CFTR: variants seen among roughly 807,000 people sequenced by gnomAD.
The protein encoded by CFTR is cystic fibrosis transmembrane conductance regulator.
In CFTR, 181 loss-of-function variants were observed where a neutral mutation model predicts 171.6. The observed-to-expected ratio is 1.05, with a 90% CI of 0.93 to 1.19. The LOEUF is 1.19. Among genes scored for constraint, CFTR ranks in the 50% most tolerant of loss-of-function variants. The probability of loss-of-function intolerance (pLI) is 0.00; values close to 1 mark genes in which losing one functional copy is unlikely to be tolerated. For synonymous variants in CFTR, 583 were observed against 608.0 expected (o/e 0.96, Z 0.60); for missense variants, 1,968 against 1,734.7 (o/e 1.13, Z -2.39).
At chr7:117,518,564 A>G (rs1339476829) in intron 3 of CFTR, among the ~76,000 whole-genome samples, 3 of 139,390 alleles carry the variant, frequency 2.2e-5, no homozygotes, top group Non-Finnish European at 4.5e-5. Context: ...AAACATATAT[A>G]AAAACATATA....
intron 24 of CFTR, among the ~76,000 whole-genome samples, chr7:117,657,994 G>A (rs1793209953): frequency 6.6e-6 from 1 of 152,212 alleles, no homozygotes; most frequent in Non-Finnish European, 1.5e-5. Context: ...CTGGTCCAGA[G>A]AGCCTCCTTT....
rs113068756 is a variant in CFTR, at chr7:117,667,156, C to G, written c.*48C>G. The G allele has an allele frequency of 6.5e-7, 1 of 1,532,174 alleles. No homozygotes were observed. The highest frequency in any genetic ancestry group is 2.3e-5 in the East Asian group (1 of 43,762). 94.9% of individuals were successfully genotyped at this position (1,532,174 alleles called of 1,614,324 possible). On this transcript the variant is annotated 3_prime_UTR_variant, in exon 27 of 27. Coordinates refer to ENST00000003084, the MANE Select transcript of CFTR (RefSeq NM_000492.4). Reference sequence around the variant, plus strand: ...GGGACATTTGCTCATGGAATTGGAGCTCGTGGGACAGTCACCTCATGGAAT... The same window carrying G: ...GGGACATTTGCTCATGGAATTGGAGGTCGTGGGACAGTCACCTCATGGAAT...
chr7:117,594,169 G>T (rs1247349076), intron 14 of CFTR, among the ~76,000 whole-genome samples: 1 of 152,102 alleles, frequency 6.6e-6, no homozygotes, highest in Non-Finnish European at 1.5e-5. Context: ...AATGGTGGAG[G>T]TTGGGTTCAA....
intron 11 of CFTR, among the ~76,000 whole-genome samples, chr7:117,573,385 C>A (rs1295629501): frequency 6.6e-6 from 1 of 152,082 alleles, no homozygotes; most frequent in Non-Finnish European, 1.5e-5. Context: ...CTCAAACAGA[C>A]CCAATGTGTT....
Position 117,592,120 on chromosome 7 carries a change from C to T in CFTR, c.1953C>T (p.Asp651=). Residue 651 remains aspartate (D), a synonymous_variant, in exon 14 of 27, where the codon GAC becomes GAT. Coordinates refer to ENST00000003084, the MANE Select transcript of CFTR (RefSeq NM_000492.4). ...SSKLMGCDSF[D]QFSAERRNSI... ...AACTCATGGGATGTGATTCTTTCGACCAATTTAGTGCAGAAAGAAGAAATT... is the reference window on the plus strand; with the variant it reads ...AACTCATGGGATGTGATTCTTTCGATCAATTTAGTGCAGAAAGAAGAAATT... 1 of 1,614,028 alleles carries T rather than the reference C, an allele frequency of 6.2e-7. No individual in the cohort carries two copies.
intron 16 of CFTR, 117 bp from the exon 17 acceptor site, chr7:117,603,415 C>T: frequency 1.8e-6 from 2 of 1,113,714 alleles, no homozygotes; most frequent in East Asian, 4.9e-5. Flanking sequence ...AGGGTGCATG[C>T]TCTTCTAATG....
chr7:117,484,908 T>C (rs541927894), intron 1 of CFTR, among the ~76,000 whole-genome samples: 3 of 152,108 alleles, frequency 2.0e-5, no homozygotes, highest in Non-Finnish European at 4.4e-5. Flanking sequence ...TTTAATTCCT[T>C]GCTAAAGAGA....
At chr7:117,648,848 T>G (rs73716214) in intron 23 of CFTR, among the ~76,000 whole-genome samples, 66 of 152,262 alleles carry the variant, frequency 4.3e-4, no homozygotes, top group African/African-American at 1.4e-3. Context: ...AGGAATGAAA[T>G]ACCTAATTGT....
At chr7:117,651,186 T>A (rs185879411) in intron 23 of CFTR, among the ~76,000 whole-genome samples, 23 of 152,348 alleles carry the variant, frequency 1.5e-4, no homozygotes, top group Admixed American at 1.2e-3. Flanking sequence ...ATAACTGTTC[T>A]GTAGCAGGTA....
chr7:117,504,291 G>A lies in CFTR; in HGVS notation c.92G>A (p.Arg31His), dbSNP rs149353983. The A allele has an allele frequency of 2.5e-5, 40 of 1,612,454 alleles. No individual in the cohort carries two copies. The highest frequency in any genetic ancestry group is 1.5e-4 in the Admixed American group (9 of 59,984). The change falls in exon 2 of 27, where the codon CGC becomes CAC. Residue 31 changes from arginine (R) to histidine (H), a missense_variant. By Grantham distance (29) the Arg-to-His change is conservative. Coordinates refer to ENST00000003084, the MANE Select transcript of CFTR (RefSeq NM_000492.4). The part of the protein sequence containing the change: ...RPILRKGYRQ[R>H]LELSDIYQIP... Reference sequence around the variant, plus strand: ...ATTTTGAGGAAAGGATACAGACAGCGCCTGGAATTGTCAGACATATACCAA... The same window carrying A: ...ATTTTGAGGAAAGGATACAGACAGCACCTGGAATTGTCAGACATATACCAA...
rs1584822533 is a variant in CFTR at position 117,611,805 on chromosome 7, A to G, written c.3364A>G (p.Thr1122Ala). 1 of 1,604,272 alleles carries G rather than the reference A, an allele frequency of 6.2e-7. No homozygotes were observed. Among genetic ancestry groups the G allele is most frequent in the East Asian group, 2.2e-5 (1 of 44,778 alleles). ...TGTTACCTTCATTTCCATTTTAACA[A>G]CAGGTACTATGAACTCATTAACTTT... The part of the protein sequence containing the change: ...IAVTFISILT[T>A]GEGEGRVGII... Residue 1122 changes from threonine (T) to alanine (A), a missense_variant, in exon 20 of 27, where the codon ACA (threonine) becomes GCA (alanine). Coordinates refer to ENST00000003084, the MANE Select transcript of CFTR (RefSeq NM_000492.4).
chr7:117,667,237 T>G lies in CFTR; in HGVS notation c.*129T>G. The G allele has an allele frequency of 1.1e-6, 1 of 885,864 alleles. No individual in the cohort carries two copies. Among genetic ancestry groups the G allele is most frequent in the Non-Finnish European group, 1.8e-6 (1 of 544,890 alleles). 54.9% of individuals were successfully genotyped at this position (885,864 alleles called of 1,614,324 possible). Reference sequence around the variant, plus strand: ...AGAAAACAAGGATGAATTAAGTTTTTTTTTAAAAAAGAAACATTTGGTAAG... The same window carrying G: ...AGAAAACAAGGATGAATTAAGTTTTGTTTTAAAAAAGAAACATTTGGTAAG... On this transcript the variant is annotated 3_prime_UTR_variant, in exon 27 of 27. Coordinates refer to ENST00000003084, the MANE Select transcript of CFTR (RefSeq NM_000492.4).
chr7:117,573,051 TCTCTCTTG>T (rs978305296), intron 11 of CFTR, among the ~76,000 whole-genome samples: 9 of 107,042 alleles, frequency 8.4e-5, no homozygotes, highest in Non-Finnish European at 1.6e-4. Context: ...TCTCTCTCTC[TCTCTCTTG>T]CTCTCTCTCT....
At chr7:117,652,729 T>G (rs1050097166) in intron 23 of CFTR, 113 bp from the exon 24 acceptor site, 2 of 620,342 alleles carry the variant, frequency 3.2e-6, no homozygotes, top group African/African-American at 3.7e-5. Context: ...TACATGGGTG[T>G]TTCTTATTTT....
At chr7:117,599,305 TA>T (rs1209121315) in intron 15 of CFTR, among the ~76,000 whole-genome samples, 1 of 152,170 alleles carries the variant, frequency 6.6e-6, no homozygotes, top group Non-Finnish European at 1.5e-5. Flanking sequence ...GTGATTTCTG[TA>T]AATTTATAGG....
chr7:117,609,572 TTATTAAG>T (rs1216622258), intron 18 of CFTR, among the ~76,000 whole-genome samples: 1 of 152,112 alleles, frequency 6.6e-6, no homozygotes, highest in Non-Finnish European at 1.5e-5. Flanking sequence ...ATATAGAAAT[TTATTAAG>T]TATGATTTAT....
chr7:117,562,935 A>T (rs1791538861), intron 11 of CFTR, among the ~76,000 whole-genome samples: 2 of 152,134 alleles, frequency 1.3e-5, no homozygotes, highest in Non-Finnish European at 2.9e-5. Context: ...ACCAGACAGA[A>T]CCAGAGTGTA....
Position 117,627,739 on chromosome 7 carries a change from A to C in CFTR, c.3686A>C (p.Asn1229Thr). Residue 1229 changes from asparagine (N) to threonine (T), a missense_variant, in exon 22 of 27, where the codon AAC (asparagine) becomes ACC (threonine). Asn to Thr is a moderately conservative substitution (Grantham distance 65). Transcript: ENST00000003084. ...GAAGGTGGAAATGCCATATTAGAGA[A>C]CATTTCCTTCTCAATAAGTCCTGGC... The part of the protein sequence containing the change: ...YTEGGNAILE[N>T]ISFSISPGQR... 6.2e-7 allele frequency: 1 copy of C among 1,612,726 alleles called. No individual in the cohort carries two copies. Among genetic ancestry groups the C allele is most frequent in the Non-Finnish European group, 8.5e-7 (1 of 1,179,344 alleles).
chr7:117,539,319 T>TG (rs1393084166), intron 7 of CFTR, among the ~76,000 whole-genome samples: 4 of 152,196 alleles, frequency 2.6e-5, no homozygotes, highest in Non-Finnish European at 5.9e-5. Context: ...TAGTGTAATG[T>TG]GATTGCAAAT....
Sources: gnomAD v4.1 joint callset for allele counts (sites outside exome capture counted in the v4.1 genomes callset) on GRCh38, gnomAD v4.1.1 for gene constraint, MANE v1.5 for transcripts, NCBI Gene and HGNC (gene_info 2026-07-23, HGNC 2026-07-21) for gene names.